AK8: variants seen among roughly 807,000 people sequenced by gnomAD.
The protein encoded by AK8 is adenylate kinase 8.
Under a neutral mutation model 54.6 loss-of-function variants are expected in AK8, and 44 were observed. The observed-to-expected ratio is 0.81, with a 90% CI of 0.63 to 1.04. The LOEUF is 1.04. Among genes scored for constraint, AK8 ranks in the 50% least tolerant of loss-of-function variants. The probability of loss-of-function intolerance (pLI) is 0.00; values close to 1 mark genes in which losing one functional copy is unlikely to be tolerated. For synonymous variants in AK8, 239 were observed against 245.6 expected (o/e 0.97, Z 0.25); for missense variants, 555 against 613.6 (o/e 0.90, Z 1.01).
intron 11 of AK8, among the ~76,000 whole-genome samples, chr9:132,759,714 G>A (rs1004867602): frequency 2.0e-5 from 3 of 152,106 alleles, no homozygotes; most frequent in African/African-American, 4.8e-5. Context: ...CCCCTGATCC[G>A]TGGTGCCACC....
intron 5 of AK8, among the ~76,000 whole-genome samples, chr9:132,853,328 T>C (rs1262562025): frequency 2.4e-5 from 3 of 125,814 alleles, no homozygotes; most frequent in Non-Finnish European, 4.7e-5. Context: ...GCTGCACTCC[T>C]ACCTGGGCGA....
chr9:132,747,993 G>A (rs1837735372), intron 11 of AK8, among the ~76,000 whole-genome samples: 1 of 151,310 alleles, frequency 6.6e-6, no homozygotes, highest in Non-Finnish European at 1.5e-5. Context: ...CAGCTACTTG[G>A]GAGGCTGAGG....
chr9:132,799,570 G>A lies in AK8; in HGVS notation c.980-6795C>T, dbSNP rs1840344999. On this transcript the variant is annotated intron_variant, in intron 10 of 12. Coordinates refer to ENST00000298545, the MANE Select transcript of AK8 (RefSeq NM_152572.3). This position sits in a 1 kb window ranked among gnomAD's most constrained non-coding sequence, Gnocchi z 5.0. ...ACACACACAGGCACGCACACACACA[G>A]ACATGTGCTCATGCACTCAGCTACA... Among the ~76,000 whole-genome samples the A allele has an allele frequency of 1.3e-5, 2 of 150,956 alleles. No homozygotes were observed. Among genetic ancestry groups the A allele is most frequent in the South Asian group, 2.1e-4 (1 of 4,738 alleles).
rs191426925 is a variant in AK8, at chr9:132,821,799, A to G, written c.889+1406T>C. Reference sequence around the variant, plus strand: ...TGTGTATGTATATACAAATATATACATATATGTGTATGTATATACAAATAT... The same window carrying G: ...TGTGTATGTATATACAAATATATACGTATATGTGTATGTATATACAAATAT... On this transcript the variant is annotated intron_variant, in intron 9 of 12. Transcript: ENST00000298545. 5.3e-3 allele frequency among the ~76,000 whole-genome samples: 629 copies of G among 117,896 alleles called. 16 individuals are homozygous for G. Among genetic ancestry groups the G allele is most frequent in the African/African-American group, 0.015 (512 of 34,124 alleles). The allele number at this position is 117,896 out of a possible 152,430, so 77.3% of individuals were successfully genotyped here. A position where few individuals can be genotyped will look rare whatever the true frequency, so the allele number is the denominator to read the frequency against.
chr9:132,847,218 A>AT (rs1399869178), intron 5 of AK8, among the ~76,000 whole-genome samples: 33 of 152,200 alleles, frequency 2.2e-4, no homozygotes, highest in African/African-American at 7.7e-4. Context: ...TTTGGGGATC[A>AT]TAGCATCTTC....
At chr9:132,868,734 C>T (rs1843695159) in intron 2 of AK8, among the ~76,000 whole-genome samples, 1 of 152,242 alleles carries the variant, frequency 6.6e-6, no homozygotes, top group South Asian at 2.1e-4. Flanking sequence ...GAGCCACACA[C>T]AGTGACCTTC....
rs1838933167 is a variant in AK8, at chr9:132,770,713, C to T, written c.1121+21921G>A. On this transcript the variant is annotated intron_variant, in intron 11 of 12. Coordinates refer to ENST00000298545, the MANE Select transcript of AK8 (RefSeq NM_152572.3). The surrounding 1 kb of genome is among the most constrained non-coding windows in gnomAD (Gnocchi z 4.3). Reference sequence around the variant, plus strand: ...GAAGAGCGGGATGGGTCGGCCCCTTCAAGGGGAGCCCTGGGGCGCAGTGTG... The same window carrying T: ...GAAGAGCGGGATGGGTCGGCCCCTTTAAGGGGAGCCCTGGGGCGCAGTGTG... Among the ~76,000 whole-genome samples, 1 of 152,146 alleles carries T rather than the reference C, an allele frequency of 6.6e-6. No individual in the cohort carries two copies. The highest frequency in any genetic ancestry group is 2.4e-5 in the African/African-American group (1 of 41,442).
intron 2 of AK8, among the ~76,000 whole-genome samples, chr9:132,874,095 A>T (rs1843979645): frequency 6.6e-6 from 1 of 152,152 alleles, no homozygotes; most frequent in African/African-American, 2.4e-5. Flanking sequence ...TGAACAAGGG[A>T]ATGTCTAGTG....
chr9:132,728,126 G>A (rs995785608), intron 11 of AK8, among the ~76,000 whole-genome samples: 2 of 152,182 alleles, frequency 1.3e-5, no homozygotes, highest in Non-Finnish European at 2.9e-5. Context: ...GCTGACTCTC[G>A]TCACCCCAGA....
At chr9:132,811,037 G>A (rs138594555) in intron 10 of AK8, among the ~76,000 whole-genome samples, 55 of 152,272 alleles carry the variant, frequency 3.6e-4, no homozygotes, top group African/African-American at 1.3e-3. Flanking sequence ...TAAAACACAC[G>A]TGACCAATTA....
intron 11 of AK8, among the ~76,000 whole-genome samples, chr9:132,776,036 G>A (rs1034195000): frequency 5.9e-5 from 9 of 152,138 alleles, no homozygotes; most frequent in Non-Finnish European, 8.8e-5. Context: ...CAGCAGCACC[G>A]GCCTCTCCTG....
intron 2 of AK8, among the ~76,000 whole-genome samples, chr9:132,872,614 C>A (rs917370049): frequency 2.1e-4 from 32 of 151,096 alleles, no homozygotes; most frequent in African/African-American, 7.7e-4. Flanking sequence ...TACAGGTGCA[C>A]CACCACACCC....
At chr9:132,804,791 G>A (rs867708775) in intron 10 of AK8, among the ~76,000 whole-genome samples, 1 of 152,140 alleles carries the variant, frequency 6.6e-6, no homozygotes, top group South Asian at 2.1e-4. Context: ...CTCAGAGCCA[G>A]CTTCTGGTTG....
chr9:132,858,700 C>T (rs1371633290), intron 4 of AK8, among the ~76,000 whole-genome samples: 1 of 152,184 alleles, frequency 6.6e-6, no homozygotes, highest in Non-Finnish European at 1.5e-5. Context: ...AAAGTTACTG[C>T]TGCTCGGAGC....
At chr9:132,789,225 G>A (rs1026219409) in intron 11 of AK8, among the ~76,000 whole-genome samples, 1 of 152,058 alleles carries the variant, frequency 6.6e-6, no homozygotes, top group Non-Finnish European at 1.5e-5. Context: ...AACCCGGGAG[G>A]CAGAGCTTAC....
In AK8 at chr9:132,789,866, A is replaced by T. The variant is rs566139672; in HGVS notation, c.1121+2768T>A. 2.6e-5 allele frequency among the ~76,000 whole-genome samples: 4 copies of T among 152,240 alleles called. No individual in the cohort carries two copies. In the South Asian group the frequency reaches 8.3e-4, roughly 32 times the overall value. On this transcript the variant is annotated intron_variant, in intron 11 of 12. Coordinates refer to ENST00000298545, the MANE Select transcript of AK8 (RefSeq NM_152572.3). ...ACTTCCTCTTCTGCCCTCAGTCAGG[A>T]GGAAACTCTGCTTTTAAGGGTTTGT...
chr9:132,869,714 A>G (rs935819390), intron 2 of AK8, among the ~76,000 whole-genome samples: 2 of 152,232 alleles, frequency 1.3e-5, no homozygotes, highest in Non-Finnish European at 2.9e-5. Context: ...TGCTTGCAGG[A>G]CAAGTATGGA....
At position 132,853,783 on chromosome 9, in the gene AK8, C is replaced by CAAAAAA. The variant is rs71376669; in HGVS notation, c.402+1068_402+1073dup. Among the ~76,000 whole-genome samples, 269 of 42,526 alleles carry CAAAAAA rather than the reference C, an allele frequency of 6.3e-3. 4 individuals are homozygous for CAAAAAA. The highest frequency in any genetic ancestry group is 7.7e-3 in the Non-Finnish European group (182 of 23,650). The allele number at this position is 42,526 out of a possible 152,430, so 27.9% of individuals were successfully genotyped here. On this transcript the variant is annotated intron_variant, in intron 5 of 12. Transcript: ENST00000298545. ...TGGGCAACAGAGCAAGACTCTGCCT[C>CAAAAAA]AAAAAAAAAAAAAAAAAAAAAAAAA...
intron 7 of AK8, 195 bp downstream of exon 7, chr9:132,827,817 AG>A: frequency 1.7e-6 from 1 of 579,058 alleles, no homozygotes; most frequent in East Asian, 3.0e-5. Context: ...TAGCCTAAAC[AG>A]GCCTCCATTT....
Sources: gnomAD v4.1 joint callset for allele counts (sites outside exome capture counted in the v4.1 genomes callset) on GRCh38, gnomAD v4.1.1 for gene constraint, Gnocchi (gnomAD v3.1) non-coding constraint, MANE v1.5 for transcripts, NCBI Gene and HGNC (gene_info 2026-07-23, HGNC 2026-07-21) for gene names.